GABRA3: variants seen among roughly 807,000 people sequenced by gnomAD.
The protein encoded by GABRA3 is gamma-aminobutyric acid receptor subunit alpha-3.
Under a neutral mutation model 30.1 loss-of-function variants are expected in GABRA3, and 10 were observed. That is an observed-to-expected ratio of 0.33 (90% CI 0.20 to 0.56). The LOEUF (loss-of-function observed/expected upper bound fraction) is 0.56, where lower values mean the gene tolerates loss of function less well. Ranked by LOEUF, GABRA3 falls within the 20% of genes least tolerant of loss-of-function variation. The pLI is 0.89. For missense variants in GABRA3, 233 were observed against 392.0 expected (o/e 0.59, Z 3.42); for synonymous variants, 151 against 146.8 (o/e 1.03, Z -0.21).
intron 9 of GABRA3, among the ~76,000 whole-genome samples, chrX:152,174,711 G>A (rs1332130247): frequency 1.3e-4 from 14 of 111,622 alleles, no homozygotes; most frequent in African/African-American, 4.2e-4. Flanking sequence ...AGATGAGTAG[G>A]TTGCAAAAAT....
intron 1 of GABRA3, among the ~76,000 whole-genome samples, chrX:152,434,600 A>AT (rs1295517823): frequency 8.9e-6 from 1 of 111,824 alleles, no homozygotes; most frequent in Non-Finnish European, 1.9e-5. Flanking sequence ...AGAAAAGAAA[A>AT]TTAAAGACCA....
chrX:152,356,988 C>T (rs1375360731), intron 2 of GABRA3, among the ~76,000 whole-genome samples: 1 of 111,325 alleles, frequency 9.0e-6, no homozygotes, highest in Non-Finnish European at 1.9e-5. Flanking sequence ...TTATCTAATC[C>T]ACTTTAATGA....
In GABRA3 at chrX:152,199,829, C is replaced by A. The variant is rs148547597; in HGVS notation, c.779-2044G>T. ...CTTGCTCTCCTTCCCTCCCTCCTTT[C>A]TGTCTCACATTTACACACACACACA... On this transcript the variant is annotated intron_variant, in intron 7 of 9. Transcript: ENST00000370314. Among the ~76,000 whole-genome samples, 8 of 109,584 alleles carry A rather than the reference C, an allele frequency of 7.3e-5. No homozygotes were observed. In the East Asian group the frequency reaches 2.3e-3, roughly 31 times the overall value.
chrX:152,374,452 G>A (rs1054236853), intron 1 of GABRA3, among the ~76,000 whole-genome samples: 9 of 100,883 alleles, frequency 8.9e-5, no homozygotes, highest in Non-Finnish European at 1.4e-4. Flanking sequence ...CCAGGTTCAC[G>A]CCATTCTCCT....
At chrX:152,204,678 C>A (rs1937518386) in intron 7 of GABRA3, among the ~76,000 whole-genome samples, 1 of 112,181 alleles carries the variant, frequency 8.9e-6, no homozygotes, top group Admixed American at 9.4e-5. Flanking sequence ...AGTAATTCTA[C>A]CACTAAACCC....
intron 6 of GABRA3, among the ~76,000 whole-genome samples, chrX:152,209,657 C>T (rs763809678): frequency 1.8e-5 from 2 of 112,432 alleles, no homozygotes; most frequent in African/African-American, 3.2e-5. Context: ...ACAAGTCTGA[C>T]ATTAACAGCT....
chrX:152,279,828 T>C (rs1939164894), intron 4 of GABRA3, among the ~76,000 whole-genome samples: 2 of 111,410 alleles, frequency 1.8e-5, no homozygotes, highest in Admixed American at 1.9e-4. Flanking sequence ...GTCCTTCACA[T>C]CCCTTGCAAG....
chrX:152,413,403 C>G (rs1253789171), intron 1 of GABRA3, among the ~76,000 whole-genome samples: 1 of 111,094 alleles, frequency 9.0e-6, no homozygotes, highest in Admixed American at 9.6e-5. Flanking sequence ...AATATAAACA[C>G]AAAAATCCTC....
At chrX:152,343,993 A>C (rs966469087) in intron 3 of GABRA3, among the ~76,000 whole-genome samples, 1 of 111,324 alleles carries the variant, frequency 9.0e-6, no homozygotes, top group African/African-American at 3.3e-5. Context: ...GTGTGTGTGC[A>C]TTTGCTATTT....
chrX:152,228,392 A>G (rs1320517312), intron 5 of GABRA3, among the ~76,000 whole-genome samples: 1 of 111,613 alleles, frequency 9.0e-6, no homozygotes, highest in Non-Finnish European at 1.9e-5. Context: ...AAGTTATTAT[A>G]AATCAGTTTT....
At chrX:152,342,295 T>C (rs1024030277) in intron 3 of GABRA3, among the ~76,000 whole-genome samples, 3 of 112,505 alleles carry the variant, frequency 2.7e-5, no homozygotes, top group African/African-American at 9.7e-5. Flanking sequence ...TAACCATTTA[T>C]ATATATTCTT....
At chrX:152,248,268 T>A (rs1481902589) in intron 5 of GABRA3, among the ~76,000 whole-genome samples, 2 of 111,493 alleles carry the variant, frequency 1.8e-5, no homozygotes, top group Non-Finnish European at 3.8e-5. Flanking sequence ...TTTCTCATTT[T>A]CTTGGTAATG....
intron 1 of GABRA3, among the ~76,000 whole-genome samples, chrX:152,389,751 T>C (rs1221819208): frequency 9.0e-6 from 1 of 111,518 alleles, no homozygotes; most frequent in African/African-American, 3.3e-5. Flanking sequence ...ACAACACTGA[T>C]GGAGGGGAAG....
intron 5 of GABRA3, among the ~76,000 whole-genome samples, chrX:152,236,034 T>A (rs1414748164): frequency 6.0e-5 from 6 of 99,289 alleles, no homozygotes; most frequent in Non-Finnish European, 1.2e-4. Flanking sequence ...AGGGTACATG[T>A]GCACATTGTG....
intron 1 of GABRA3, among the ~76,000 whole-genome samples, chrX:152,387,263 A>G (rs1382574651): frequency 9.0e-6 from 1 of 110,630 alleles, no homozygotes; most frequent in African/African-American, 3.3e-5. Context: ...TAAGCTGCAC[A>G]TTGTGCACAT....
intron 3 of GABRA3, among the ~76,000 whole-genome samples, chrX:152,327,834 C>T: frequency 1.8e-5 from 2 of 111,134 alleles, no homozygotes. Flanking sequence ...TAGCAGAAGG[C>T]AAGAAATAAC....
chrX:152,295,000 GT>G (rs1939499991), intron 3 of GABRA3, among the ~76,000 whole-genome samples: 1 of 111,507 alleles, frequency 9.0e-6, no homozygotes, highest in Non-Finnish European at 1.9e-5. Context: ...GGTATCACCA[GT>G]GGAGGCTGCA....
At chrX:152,196,578 C>T (rs1172825265) in intron 8 of GABRA3, among the ~76,000 whole-genome samples, 1 of 110,848 alleles carries the variant, frequency 9.0e-6, no homozygotes, top group Non-Finnish European at 1.9e-5. Context: ...AACCCACTCT[C>T]ATACAGCTTC....
intron 1 of GABRA3, among the ~76,000 whole-genome samples, chrX:152,401,520 A>C (rs1033435749): frequency 3.6e-5 from 4 of 111,663 alleles, no homozygotes; most frequent in African/African-American, 1.3e-4. Context: ...CTAAAACACA[A>C]AGAGGTTTTT....
Sources: allele counts gnomAD v4.1 joint callset (sites outside exome capture counted in the v4.1 genomes callset), GRCh38; gene constraint gnomAD v4.1.1; transcripts MANE v1.5; gene names NCBI Gene and HGNC (gene_info 2026-07-23, HGNC 2026-07-21).